Variants in PHF14 observed in about 807,000 individuals in gnomAD.
PHF14 encodes the protein PHD finger protein 14.
PHF14 carries 55 observed loss-of-function variants against 117.9 expected under a neutral mutation model. The ratio of observed to expected loss-of-function variants is 0.47; its 90% CI spans 0.38 to 0.58. The LOEUF (loss-of-function observed/expected upper bound fraction) is 0.58. Ranked by LOEUF, PHF14 falls within the 20% of genes least tolerant of loss-of-function variation. The pLI, the probability that PHF14 is intolerant of heterozygous loss-of-function variation, is 0.00. For synonymous variants in PHF14, 409 were observed against 368.6 expected, an observed-to-expected ratio of 1.11 and a Z score of -1.26; for missense variants, 978 against 1,122.2, an observed-to-expected ratio of 0.87 and a Z score of 1.84.
intron 16 of PHF14, chr7:11,103,109 T>C: frequency 1.0e-6 from 1 of 971,616 alleles, no homozygotes; most frequent in Non-Finnish European, 1.2e-6. Context: ...GTTATTTCTA[T>C]TTATAATATT....
intron 16 of PHF14, chr7:11,063,010 T>C: frequency 2.6e-6 from 2 of 782,622 alleles, no homozygotes; most frequent in Non-Finnish European, 3.1e-6. Context: ...AATATATTAG[T>C]GTTGTTGTAT....
chr7:11,112,441 A>G (rs1176806757), intron 17 of PHF14, among the ~76,000 whole-genome samples: 1 of 152,230 alleles, frequency 6.6e-6, no homozygotes. Flanking sequence ...GGTTATAGAA[A>G]GAAACTAAAC....
At chr7:11,053,231 G>T (rs142413570) in intron 14 of PHF14, among the ~76,000 whole-genome samples, 17 of 152,060 alleles carry the variant, frequency 1.1e-4, no homozygotes, top group African/African-American at 3.9e-4. Context: ...TCACTTAAAA[G>T]ATCTTATTCA....
intron 10 of PHF14, 102 bp from the exon 11 acceptor site, chr7:11,038,656 CAA>C (rs371973677): frequency 2.1e-3 from 445 of 210,218 alleles, no homozygotes; most frequent in Admixed American, 2.6e-3. Context: ...GACTCTGTCT[CAA>C]AAAAAAAAAA....
At chr7:11,158,386 A>G (rs1184703420) in intron 17 of PHF14, among the ~76,000 whole-genome samples, 3 of 152,092 alleles carry the variant, frequency 2.0e-5, no homozygotes, top group Non-Finnish European at 4.4e-5. Flanking sequence ...GCTACCATAG[A>G]TCATAGGTGA....
intron 16 of PHF14, among the ~76,000 whole-genome samples, chr7:11,098,657 A>G (rs968144764): frequency 2.0e-5 from 3 of 152,006 alleles, no homozygotes; most frequent in African/African-American, 7.3e-5. Context: ...TTTAATCCCC[A>G]CTGCACCCGG....
chr7:11,076,781 T>C (rs933142655), intron 16 of PHF14, among the ~76,000 whole-genome samples: 14 of 151,906 alleles, frequency 9.2e-5, no homozygotes, highest in Non-Finnish European at 1.9e-4. Flanking sequence ...TTGTCCAGGC[T>C]CATCTCTAAC....
At chr7:10,987,386 T>G (rs1338985725) in intron 3 of PHF14, among the ~76,000 whole-genome samples, 1 of 152,050 alleles carries the variant, frequency 6.6e-6, no homozygotes, top group Non-Finnish European at 1.5e-5. Context: ...TAGATAAAAT[T>G]TAGCCTATTG....
chr7:11,068,802 C>A (rs986576942), intron 16 of PHF14, among the ~76,000 whole-genome samples: 1 of 152,022 alleles, frequency 6.6e-6, no homozygotes, highest in South Asian at 2.1e-4. Flanking sequence ...GGGGCTGGGG[C>A]AGGGGGACAT....
intron 16 of PHF14, among the ~76,000 whole-genome samples, chr7:11,083,732 G>A (rs1326630940): frequency 2.6e-5 from 4 of 152,106 alleles, no homozygotes; most frequent in African/African-American, 4.8e-5. Context: ...AGTGCTAGGA[G>A]TACAGGTGTG....
Position 11,013,894 on chromosome 7 carries a change from CAG to C in PHF14, c.1195_1196del (p.Asp399CysfsTer22). The C allele has an allele frequency of 6.2e-7, 1 of 1,601,420 alleles. No individual in the cohort carries two copies. Among genetic ancestry groups the C allele is most frequent in the Non-Finnish European group, 8.5e-7 (1 of 1,170,688 alleles). On this transcript the variant is annotated frameshift_variant, in exon 5 of 18. Transcript: ENST00000634607. LOFTEE classifies it high-confidence loss of function. ...AATCAGGATGGAATTTTCAAGGAGA[CAG>C]ATGCTGGAAGGTTAATGTCCTAATT... is the stretch of plus-strand genomic sequence containing the variant.
At chr7:11,093,003 G>T (rs575877849) in intron 16 of PHF14, among the ~76,000 whole-genome samples, 1 of 152,308 alleles carries the variant, frequency 6.6e-6, no homozygotes, top group East Asian at 1.9e-4. Flanking sequence ...CTGAGACAGT[G>T]ATCTGTTTTC....
chr7:11,169,527 T>C lies in PHF14; in HGVS notation c.*37T>C. On this transcript the variant is annotated 3_prime_UTR_variant, in exon 18 of 18. Coordinates refer to ENST00000634607, the MANE Select transcript of PHF14 (RefSeq NM_001007157.2). ...TAGTGTTTTTGAAAAGTTTGCAGCT[T>C]ATGTAATAGCAGATAAAATTTCTAA... The C allele has an allele frequency of 1.1e-6, 1 of 874,694 alleles. No individual in the cohort carries two copies. The highest frequency in any genetic ancestry group is 2.4e-4 in the Middle Eastern group (1 of 4,124). 54.2% of individuals were successfully genotyped at this position (874,694 alleles called of 1,614,324 possible).
At chr7:11,026,741 A>G (rs1288406295) in intron 6 of PHF14, among the ~76,000 whole-genome samples, 1 of 148,860 alleles carries the variant, frequency 6.7e-6, no homozygotes, top group Non-Finnish European at 1.5e-5. Flanking sequence ...TTTTTTTTAA[A>G]TTTAATTTAT....
At chr7:10,993,231 T>C (rs927203957) in intron 4 of PHF14, among the ~76,000 whole-genome samples, 2 of 152,056 alleles carry the variant, frequency 1.3e-5, no homozygotes, top group African/African-American at 4.8e-5. Context: ...ATTATTATTA[T>C]TATTTTTTAA....
At chr7:11,113,140 C>T (rs2128343922) in intron 17 of PHF14, among the ~76,000 whole-genome samples, 1 of 152,058 alleles carries the variant, frequency 6.6e-6, no homozygotes, top group South Asian at 2.1e-4. Flanking sequence ...GGATTTCCCA[C>T]CTTTTTTAAA....
At position 11,026,609 on chromosome 7, in the gene PHF14, A is replaced by C. The variant is rs143823231; in HGVS notation, c.1318-2072A>C. 2.6e-5 allele frequency among the ~76,000 whole-genome samples: 4 copies of C among 152,284 alleles called. No homozygotes were observed. The East Asian group carries it at 7.7e-4, about 29-fold the overall frequency. On this transcript the variant is annotated intron_variant, in intron 6 of 17. Transcript: ENST00000634607. ...GGCTGAATGTGGAACCAAAGTAAGG[A>C]AATTACTTAATTGACTACAGCTGTG...
At chr7:11,029,666 A>G (rs1373313766) in intron 7 of PHF14, among the ~76,000 whole-genome samples, 3 of 152,198 alleles carry the variant, frequency 2.0e-5, no homozygotes, top group Non-Finnish European at 2.9e-5. Context: ...TTAATTTTTA[A>G]TAGGGTAACT....
At chr7:11,147,841 C>A (rs1241749099) in intron 17 of PHF14, among the ~76,000 whole-genome samples, 2 of 152,106 alleles carry the variant, frequency 1.3e-5, no homozygotes, top group South Asian at 4.1e-4. Context: ...CTTCCAAGAT[C>A]TAAATTCATA....
Sources: allele counts gnomAD v4.1 joint callset (sites outside exome capture counted in the v4.1 genomes callset), GRCh38; gene constraint gnomAD v4.1.1; transcripts MANE v1.5; gene names NCBI Gene and HGNC (gene_info 2026-07-23, HGNC 2026-07-21).